THNSL1: variants seen among roughly 807,000 people sequenced by gnomAD.
The protein encoded by THNSL1 is threonine synthase like 1.
In THNSL1, 48 loss-of-function variants were observed where a neutral mutation model predicts 50.4. The observed-to-expected ratio is 0.95, with a 90% confidence interval of 0.76 to 1.21. THNSL1 has a LOEUF of 1.21. THNSL1 is among the 50% of genes most tolerant of loss of function. The pLI, the probability that THNSL1 is intolerant of heterozygous loss-of-function variation, is 0.00. For synonymous variants in THNSL1, 309 were observed against 306.1 expected, an observed-to-expected ratio of 1.01 and a Z score of -0.10; for missense variants, 896 against 871.7, an observed-to-expected ratio of 1.03 and a Z score of -0.35.
chr10:24,970,820 T>C, the THNSL1 span, among the ~76,000 whole-genome samples: 1 of 152,078 alleles, frequency 6.6e-6, no homozygotes, highest in African/African-American at 2.4e-5. Context: ...GGTCAGGAGT[T>C]TGAGACCAGC....
the THNSL1 span, chr10:24,983,122 G>T: frequency 6.6e-6 from 1 of 152,216 alleles, no homozygotes; most frequent in African/African-American, 2.4e-5. Flanking sequence ...CTGGGTCCCT[G>T]AGTGACTGCA....
intron 1 of THNSL1, among the ~76,000 whole-genome samples, chr10:25,020,642 C>G (rs1339108824): frequency 6.6e-6 from 1 of 151,540 alleles, no homozygotes; most frequent in East Asian, 1.9e-4. Flanking sequence ...TGATGCACAC[C>G]TGGTGGGAGG....
chr10:24,978,777 A>G, the THNSL1 span, among the ~76,000 whole-genome samples: 2 of 152,162 alleles, frequency 1.3e-5, no homozygotes, highest in South Asian at 4.1e-4. Flanking sequence ...TTGGAGACCA[A>G]ACTCTTGTTT....
At chr10:25,023,086 T>C (rs1356679011) in intron 2 of THNSL1, 90 bp from the exon 3 acceptor site, 1 of 778,546 alleles carries the variant, frequency 1.3e-6, no homozygotes, top group Admixed American at 3.0e-5. Flanking sequence ...GGCATGGTTA[T>C]ATTCAGTCCT....
chr10:24,998,154 G>A, the THNSL1 span, among the ~76,000 whole-genome samples: 1 of 152,132 alleles, frequency 6.6e-6, no homozygotes, highest in African/African-American at 2.4e-5. Context: ...CTGCCATAAA[G>A]AGAAGTAGTT....
At chr10:24,963,129 C>A in the THNSL1 span, among the ~76,000 whole-genome samples, 3 of 152,156 alleles carry the variant, frequency 2.0e-5, no homozygotes, top group African/African-American at 4.8e-5. Context: ...ACCTAGGTCA[C>A]CTTTTCCAGA....
the THNSL1 span, among the ~76,000 whole-genome samples, chr10:24,996,362 C>T: frequency 6.6e-6 from 1 of 151,904 alleles, no homozygotes; most frequent in African/African-American, 2.4e-5. Flanking sequence ...GCGGAGGTTG[C>T]AGTGAACCGA....
upstream of THNSL1, chr10:25,016,179 T>C: frequency 8.4e-7 from 1 of 1,183,476 alleles, no homozygotes; most frequent in Non-Finnish European, 1.0e-6. Flanking sequence ...TGGAAACCGT[T>C]ACTAGGCAAC....
At chr10:24,970,707 T>C in the THNSL1 span, among the ~76,000 whole-genome samples, 1 of 148,874 alleles carries the variant, frequency 6.7e-6, no homozygotes, top group Admixed American at 6.7e-5. Context: ...CATGAGATCC[T>C]GTCTCTATTA....
the THNSL1 span, among the ~76,000 whole-genome samples, chr10:24,971,472 C>T: frequency 1.3e-5 from 2 of 152,078 alleles, no homozygotes; most frequent in Non-Finnish European, 2.9e-5. Flanking sequence ...TCTGGAAAGC[C>T]CTCCCAAGCA....
chr10:24,993,399 T>C, the THNSL1 span, among the ~76,000 whole-genome samples: 1 of 152,258 alleles, frequency 6.6e-6, no homozygotes, highest in African/African-American at 2.4e-5. Context: ...CAATGGATTG[T>C]TGGAAATCAC....
chr10:24,997,809 A>T, the THNSL1 span, among the ~76,000 whole-genome samples: 2 of 148,812 alleles, frequency 1.3e-5, no homozygotes, highest in Admixed American at 6.7e-5. Context: ...CAAAGGATTT[A>T]TATATATATA....
chr10:24,952,444 G>A, the THNSL1 span: 1 of 1,450,482 alleles, frequency 6.9e-7, no homozygotes, highest in Non-Finnish European at 9.4e-7. This position sits in a 1 kb window ranked among gnomAD's most constrained non-coding sequence, Gnocchi z 5.1. Flanking sequence ...CTCCCCCGAC[G>A]CACGGCAAGC....
chr10:24,985,986 T>G, the THNSL1 span, among the ~76,000 whole-genome samples: 1 of 152,182 alleles, frequency 6.6e-6, no homozygotes, highest in Non-Finnish European at 1.5e-5. Flanking sequence ...GAGGATCACC[T>G]GAGCTCAGGA....
At chr10:24,981,321 CATTACTG>C in the THNSL1 span, among the ~76,000 whole-genome samples, 41 of 152,306 alleles carry the variant, frequency 2.7e-4, no homozygotes, top group Middle Eastern at 3.4e-3. Context: ...TCTCTGGCAT[CATTACTG>C]ATTTAAGCTT....
rs780164466 is a variant in THNSL1 at position 25,023,954 on chromosome 10, A to G, written c.731A>G (p.Gln244Arg). 7.4e-6 allele frequency: 12 copies of G among 1,614,098 alleles called. No individual in the cohort carries two copies. Among genetic ancestry groups the G allele is most frequent in the Non-Finnish European group, 3.4e-6 (4 of 1,180,018 alleles). Residue 244 changes from glutamine to arginine, a missense_variant, in exon 3 of 3, where the codon CAG (glutamine) becomes CGG (arginine). Physicochemically the swap from Gln to Arg is conservative, Grantham distance 43 (BLOSUM62 1). Transcript: ENST00000376356. ...TRHVWPEDCEQKVSAKFFSEA... is the reference protein window; with the variant it reads ...TRHVWPEDCERKVSAKFFSEA... Reference sequence around the variant, plus strand: ...CACGTTTGGCCTGAAGACTGTGAACAGAAGGTTTCAGCAAAATTCTTTAGT... The same window carrying G: ...CACGTTTGGCCTGAAGACTGTGAACGGAAGGTTTCAGCAAAATTCTTTAGT...
chr10:24,994,453 C>T, the THNSL1 span, among the ~76,000 whole-genome samples: 5 of 151,722 alleles, frequency 3.3e-5, no homozygotes, highest in African/African-American at 1.2e-4. Flanking sequence ...CGTGCCTTAG[C>T]CACCCGAGTA....
At chr10:25,008,574 AT>A in the THNSL1 span, among the ~76,000 whole-genome samples, 1 of 152,238 alleles carries the variant, frequency 6.6e-6, no homozygotes, top group South Asian at 2.1e-4. Context: ...TGAAACACTG[AT>A]TATGTGTTAC....
chr10:25,015,411 A>ATATAAAT (rs761499187), upstream of THNSL1, among the ~76,000 whole-genome samples: 22 of 152,346 alleles, frequency 1.4e-4, no homozygotes, highest in Non-Finnish European at 2.6e-4. Context: ...TTTCATAAAA[A>ATATAAAT]TCTTGGGGGA....
Sources: gnomAD v4.1 joint callset for allele counts (sites outside exome capture counted in the v4.1 genomes callset) on GRCh38, gnomAD v4.1.1 for gene constraint, Gnocchi (gnomAD v3.1) non-coding constraint, MANE v1.5 for transcripts, NCBI Gene and HGNC (gene_info 2026-07-23, HGNC 2026-07-21) for gene names.